Variants in TOX observed in about 807,000 individuals in gnomAD.
TOX encodes thymocyte selection associated high mobility group box, also known as thymocyte selection-associated high mobility group box protein TOX.
A neutral mutation model predicts 53.7 loss-of-function variants in TOX; 11 were observed. That is an observed-to-expected ratio of 0.20 (90% confidence interval 0.13 to 0.34). TOX has a LOEUF of 0.34. Ranked by LOEUF, TOX falls within the 10% of genes least tolerant of loss-of-function variation. The probability of loss-of-function intolerance (pLI) is 1.00; values close to 1 mark genes in which losing one functional copy is unlikely to be tolerated. For synonymous variants in TOX, 225 were observed against 245.3 expected (o/e 0.92, Z 0.77); for missense variants, 570 against 664.6 (o/e 0.86, Z 1.56).
intron 1 of TOX, among the ~76,000 whole-genome samples, chr8:58,996,164 T>C (rs1813558460): frequency 6.6e-6 from 1 of 152,252 alleles, no homozygotes; most frequent in Non-Finnish European, 1.5e-5. Context: ...GCTTTGCATG[T>C]ATGAAACATA....
intron 7 of TOX, among the ~76,000 whole-genome samples, chr8:58,812,360 T>C (rs1228461190): frequency 1.3e-5 from 2 of 152,082 alleles, no homozygotes; most frequent in East Asian, 1.9e-4. Flanking sequence ...CTCTCTTTAT[T>C]CCCCTCCTTT....
intron 1 of TOX, among the ~76,000 whole-genome samples, chr8:58,965,554 C>T (rs1420886409): frequency 6.6e-6 from 1 of 151,876 alleles, no homozygotes; most frequent in Non-Finnish European, 1.5e-5. Context: ...CAGTCATTGG[C>T]ACTGGTACAG....
At chr8:59,094,511 G>A (rs965060206) in intron 1 of TOX, among the ~76,000 whole-genome samples, 5 of 151,766 alleles carry the variant, frequency 3.3e-5, no homozygotes, top group African/African-American at 4.8e-5. Context: ...AGTGGCACAC[G>A]CATATAGGTA....
At chr8:59,021,481 AAT>A (rs55755723) in intron 1 of TOX, among the ~76,000 whole-genome samples, 11 of 64,736 alleles carry the variant, frequency 1.7e-4, no homozygotes, top group African/African-American at 2.6e-4. Context: ...AAAAAAAAAA[AAT>A]ATATATATAT....
At chr8:58,876,494 A>G (rs1811286993) in intron 3 of TOX, among the ~76,000 whole-genome samples, 1 of 152,142 alleles carries the variant, frequency 6.6e-6, no homozygotes, top group Non-Finnish European at 1.5e-5. Context: ...CTGTAAATAT[A>G]TAAAGTCAGC....
intron 6 of TOX, among the ~76,000 whole-genome samples, chr8:58,820,440 C>G (rs891472561): frequency 2.0e-4 from 30 of 152,162 alleles, no homozygotes; most frequent in Admixed American, 6.6e-5. Flanking sequence ...AATGCCATAT[C>G]CTTCCAGGTT....
intron 3 of TOX, among the ~76,000 whole-genome samples, chr8:58,933,611 T>C (rs1312047007): frequency 6.6e-6 from 1 of 151,990 alleles, no homozygotes; most frequent in East Asian, 1.9e-4. Flanking sequence ...GCCAAAGCCA[T>C]GGCAAGAAAA....
chr8:59,013,535 C>T (rs973747239), intron 1 of TOX, among the ~76,000 whole-genome samples: 18 of 152,124 alleles, frequency 1.2e-4, no homozygotes, highest in South Asian at 4.2e-4. Context: ...CTCAGCCTCC[C>T]GAGTAGCTGG....
rs1004791965 is a variant in TOX at position 58,891,985 on chromosome 8, C to T, written c.412-40180G>A. On this transcript the variant is annotated intron_variant, in intron 3 of 8. Transcript: ENST00000361421. Reference sequence around the variant, plus strand: ...TACCTAGTACATTTTCTAAAGCATTCGTATTCATAGCATGCTACAGATGAA... The same window carrying T: ...TACCTAGTACATTTTCTAAAGCATTTGTATTCATAGCATGCTACAGATGAA... Among the ~76,000 whole-genome samples, 4 of 152,174 alleles carry T rather than the reference C, an allele frequency of 2.6e-5. No individual in the cohort carries two copies. In the East Asian group the frequency reaches 5.8e-4, roughly 22 times the overall value.
chr8:59,023,739 T>C (rs1814182743), intron 1 of TOX, among the ~76,000 whole-genome samples: 1 of 152,182 alleles, frequency 6.6e-6, no homozygotes, highest in Non-Finnish European at 1.5e-5. Context: ...AAAATGGGAA[T>C]AGTAATACTG....
intron 3 of TOX, among the ~76,000 whole-genome samples, chr8:58,925,427 C>T (rs1330508267): frequency 4.6e-5 from 7 of 152,208 alleles, no homozygotes; most frequent in Non-Finnish European, 8.8e-5. Context: ...GGTCCCATCC[C>T]CTGCTGTTGT....
intron 1 of TOX, among the ~76,000 whole-genome samples, chr8:58,973,147 A>G (rs114386172): frequency 0.024 from 3,638 of 152,292 alleles, 141 homozygotes; most frequent in African/African-American, 0.083. Flanking sequence ...TTCCTCAGAA[A>G]GTGATATAGT....
chr8:59,067,658 A>G (rs1414392586), intron 1 of TOX, among the ~76,000 whole-genome samples: 1 of 152,164 alleles, frequency 6.6e-6, no homozygotes, highest in Non-Finnish European at 1.5e-5. Flanking sequence ...CTCTTCGTAA[A>G]TGGCAGAGAT....
At chr8:58,995,197 G>C (rs1415949377) in intron 1 of TOX, among the ~76,000 whole-genome samples, 1 of 152,144 alleles carries the variant, frequency 6.6e-6, no homozygotes. Context: ...GGAGATAAAG[G>C]TCTTGGAGTA....
At chr8:58,846,637 T>C (rs868595643) in intron 4 of TOX, among the ~76,000 whole-genome samples, 1 of 152,110 alleles carries the variant, frequency 6.6e-6, no homozygotes, top group Non-Finnish European at 1.5e-5. Flanking sequence ...AGCACATGCA[T>C]TGATGAACTA....
intron 2 of TOX, among the ~76,000 whole-genome samples, chr8:58,955,008 C>G (rs1812686912): frequency 6.6e-6 from 1 of 152,182 alleles, no homozygotes; most frequent in African/African-American, 2.4e-5. Flanking sequence ...AGGTAGAAAT[C>G]AAACCTTAAA....
At chr8:59,079,630 G>A (rs961946435) in intron 1 of TOX, among the ~76,000 whole-genome samples, 4 of 152,216 alleles carry the variant, frequency 2.6e-5, no homozygotes, top group African/African-American at 9.6e-5. Context: ...CTAGATTTCC[G>A]AGGATGAATG....
intron 5 of TOX, among the ~76,000 whole-genome samples, chr8:58,833,459 C>T (rs931911705): frequency 2.0e-5 from 3 of 152,110 alleles, no homozygotes; most frequent in Non-Finnish European, 2.9e-5. Flanking sequence ...CTACAATGAC[C>T]AGAATCAGAG....
At chr8:58,811,479 A>G (rs1397912356) in intron 7 of TOX, among the ~76,000 whole-genome samples, 1 of 152,238 alleles carries the variant, frequency 6.6e-6, no homozygotes, top group African/African-American at 2.4e-5. Flanking sequence ...AAAAGCCTGC[A>G]GCACAACCAA....
Sources: allele counts gnomAD v4.1 joint callset (sites outside exome capture counted in the v4.1 genomes callset), GRCh38; gene constraint gnomAD v4.1.1; transcripts MANE v1.5; gene names NCBI Gene and HGNC (gene_info 2026-07-23, HGNC 2026-07-21).